The following L3MBTL3 variants were observed in gnomAD, a reference collection of about 807,000 sequenced individuals.
The protein encoded by L3MBTL3 is L3MBTL histone methyl-lysine binding protein 3.
A neutral mutation model predicts 102.3 loss-of-function variants in L3MBTL3; 27 were observed. That is an observed-to-expected ratio of 0.26 (90% CI 0.19 to 0.36). The LOEUF is 0.36. L3MBTL3 is among the 10% of genes least tolerant of loss of function. The pLI, the probability that L3MBTL3 is intolerant of heterozygous loss-of-function variation, is 1.00. For synonymous variants in L3MBTL3, 340 were observed against 320.9 expected, an observed-to-expected ratio of 1.06 and a Z score of -0.64; for missense variants, 798 against 955.3, an observed-to-expected ratio of 0.84 and a Z score of 2.17.
chr6:130,085,648 G>T (rs1242818376), intron 15 of L3MBTL3, among the ~76,000 whole-genome samples: 1 of 152,080 alleles, frequency 6.6e-6, no homozygotes, highest in Non-Finnish European at 1.5e-5. Flanking sequence ...TGAAAGCCTG[G>T]TTCTCTTATT....
chr6:130,061,002 C>T (rs939737794), intron 10 of L3MBTL3, among the ~76,000 whole-genome samples: 1 of 151,902 alleles, frequency 6.6e-6, no homozygotes, highest in Non-Finnish European at 1.5e-5. Context: ...ATAATGACAG[C>T]CTCAGTCAAT....
chr6:130,117,637 C>T (rs996225723), intron 19 of L3MBTL3, among the ~76,000 whole-genome samples: 4 of 152,052 alleles, frequency 2.6e-5, no homozygotes, highest in Admixed American at 2.0e-4. Context: ...CCAGAATTTG[C>T]GTAATGAAAT....
intron 6 of L3MBTL3, among the ~76,000 whole-genome samples, chr6:130,052,601 C>G (rs915971611): frequency 1.5e-4 from 23 of 152,188 alleles, no homozygotes; most frequent in Middle Eastern, 3.2e-3. Flanking sequence ...CTATTTCATA[C>G]ATATTGCTGG....
chr6:130,136,248 C>T (rs937690726), intron 22 of L3MBTL3, among the ~76,000 whole-genome samples: 1 of 152,204 alleles, frequency 6.6e-6, no homozygotes, highest in Admixed American at 6.5e-5. Context: ...CATGTCACTC[C>T]TCTGTTCAGG....
At chr6:130,032,951 C>T (rs1027882045) in intron 2 of L3MBTL3, among the ~76,000 whole-genome samples, 2 of 152,194 alleles carry the variant, frequency 1.3e-5, no homozygotes, top group South Asian at 2.1e-4. Context: ...CATGATTGCA[C>T]CACTGCACTC....
intron 2 of L3MBTL3, among the ~76,000 whole-genome samples, chr6:130,038,952 A>G (rs1050529037): frequency 2.4e-4 from 37 of 152,290 alleles, no homozygotes; most frequent in African/African-American, 8.7e-4. Context: ...AAAATATTGA[A>G]GCGTCTAGTA....
chr6:130,088,573 A>G (rs1742236118), intron 16 of L3MBTL3, among the ~76,000 whole-genome samples: 1 of 152,196 alleles, frequency 6.6e-6, no homozygotes, highest in South Asian at 2.1e-4. Context: ...ATTGTTCTAT[A>G]TTTGATCAGA....
rs1788266220 is a variant in L3MBTL3, at chr6:130,141,425, A to G, written c.*1672A>G. On this transcript the variant is annotated 3_prime_UTR_variant, in exon 23 of 23. Coordinates refer to ENST00000361794, the MANE Select transcript of L3MBTL3 (RefSeq NM_032438.4). ...TGTTATATCTGACATGAATGAAATA[A>G]AATCTTAATTACAGATGCTTTTTAC... 1 of 152,214 alleles carries G rather than the reference A, an allele frequency of 6.6e-6. No individual in the cohort carries two copies. Among genetic ancestry groups the G allele is most frequent in the Non-Finnish European group, 1.5e-5 (1 of 68,032 alleles). The allele number at this position is 152,214 out of a possible 1,614,324, so 9.4% of individuals were successfully genotyped here.
intron 7 of L3MBTL3, 31 bp downstream of exon 7, chr6:130,053,022 A>T: frequency 6.5e-7 from 1 of 1,535,220 alleles, no homozygotes; most frequent in Non-Finnish European, 9.0e-7. Flanking sequence ...CCAGGAGCAC[A>T]GGGATGCATC....
chr6:130,098,379 G>T (rs998208085), intron 18 of L3MBTL3, among the ~76,000 whole-genome samples: 19 of 152,144 alleles, frequency 1.2e-4, no homozygotes, highest in Admixed American at 3.9e-4. Context: ...CTTCTAAAGA[G>T]GCCAGTCTGG....
intron 2 of L3MBTL3, among the ~76,000 whole-genome samples, chr6:130,024,731 C>T (rs1339128106): frequency 6.6e-6 from 1 of 152,080 alleles, no homozygotes. Context: ...TTTTTCTGAG[C>T]TCTTATGGTG....
At chr6:130,056,174 C>A (rs945543603) in intron 8 of L3MBTL3, among the ~76,000 whole-genome samples, 1 of 152,100 alleles carries the variant, frequency 6.6e-6, no homozygotes, top group Non-Finnish European at 1.5e-5. Context: ...GCCATCTGCC[C>A]GTGTCTACCT....
chr6:130,096,714 C>G (rs567764198), intron 18 of L3MBTL3, among the ~76,000 whole-genome samples: 1 of 152,232 alleles, frequency 6.6e-6, no homozygotes, highest in Non-Finnish European at 1.5e-5. Context: ...ACACCCATTT[C>G]ACCAAGTTTC....
intron 5 of L3MBTL3, among the ~76,000 whole-genome samples, 194 bp from the exon 6 acceptor site, chr6:130,051,055 A>G (rs1300831264): frequency 2.0e-5 from 3 of 152,148 alleles, no homozygotes; most frequent in African/African-American, 7.2e-5. Context: ...ATATTTTTTC[A>G]TTATTTGAAT....
At chr6:130,121,641 C>T (rs1786216180) in intron 20 of L3MBTL3, among the ~76,000 whole-genome samples, 1 of 151,960 alleles carries the variant, frequency 6.6e-6, no homozygotes, top group African/African-American at 2.4e-5. Flanking sequence ...ATATCATTTG[C>T]TTCCTGTGTT....
At chr6:130,021,281 C>T (rs1778997591) in intron 1 of L3MBTL3, among the ~76,000 whole-genome samples, 1 of 152,158 alleles carries the variant, frequency 6.6e-6, no homozygotes, top group Non-Finnish European at 1.5e-5. Flanking sequence ...GGCCTTTACT[C>T]GTAGCTACGT....
chr6:130,112,454 A>AT (rs1785413430), intron 19 of L3MBTL3, among the ~76,000 whole-genome samples: 1 of 152,212 alleles, frequency 6.6e-6, no homozygotes, highest in Non-Finnish European at 1.5e-5. Flanking sequence ...AAATGTTGAG[A>AT]TAAATTCCCC....
chr6:130,102,937 GA>G (rs1449716585), intron 18 of L3MBTL3, among the ~76,000 whole-genome samples: 1 of 152,192 alleles, frequency 6.6e-6, no homozygotes, highest in Non-Finnish European at 1.5e-5. Flanking sequence ...TCAGCTCCGT[GA>G]AACCAGAGAG....
chr6:130,092,622 G>A, intron 16 of L3MBTL3, 123 bp from the exon 17 acceptor site: 1 of 594,156 alleles, frequency 1.7e-6, no homozygotes. Context: ...TAATTGAACT[G>A]ATTTATTGGG....
Sources: gnomAD v4.1 joint callset for allele counts (sites outside exome capture counted in the v4.1 genomes callset) on GRCh38, gnomAD v4.1.1 for gene constraint, MANE v1.5 for transcripts, NCBI Gene and HGNC (gene_info 2026-07-23, HGNC 2026-07-21) for gene names.